BMPR1A: variants seen among roughly 807,000 people sequenced by gnomAD.
The protein encoded by BMPR1A is bone morphogenetic protein receptor type 1A.
In BMPR1A, 7 loss-of-function variants were observed where a neutral mutation model predicts 66.0. That is an observed-to-expected ratio of 0.11 (90% CI 0.06 to 0.20). The LOEUF is 0.20. BMPR1A is among the 10% of genes least tolerant of loss of function. The pLI, the probability that BMPR1A is intolerant of heterozygous loss-of-function variation, is 1.00. For synonymous variants in BMPR1A, 200 were observed against 229.7 expected, an observed-to-expected ratio of 0.87 and a Z score of 1.17; for missense variants, 408 against 669.1, an observed-to-expected ratio of 0.61 and a Z score of 4.31.
At chr10:86,856,106 C>A (rs1349989812) in intron 2 of BMPR1A, 3 of 529,762 alleles carry the variant, frequency 5.7e-6, no homozygotes, top group African/African-American at 3.9e-5. Flanking sequence ...TCAGTAATAT[C>A]ATAGACTTTA....
intron 1 of BMPR1A, among the ~76,000 whole-genome samples, chr10:86,804,761 T>C (rs1841863661): frequency 6.6e-6 from 1 of 151,804 alleles, no homozygotes; most frequent in Non-Finnish European, 1.5e-5. Context: ...ATAAAAAGTT[T>C]TGAATTTATT....
intron 2 of BMPR1A, among the ~76,000 whole-genome samples, chr10:86,871,229 A>C (rs758596745): frequency 6.6e-6 from 1 of 152,156 alleles, no homozygotes; most frequent in Non-Finnish European, 1.5e-5. Flanking sequence ...CACTGCCCCT[A>C]TTCCTTCAGG....
At position 86,913,291 on chromosome 10, in the gene BMPR1A, T is replaced by G. The variant is rs1284426470; in HGVS notation, c.675+907T>G. Reference sequence around the variant, plus strand: ...AGATGCACCACCACACCAGGCTAATTTTTTTTTTTTTTTTTTTTTGAGGGA... The same window carrying G: ...AGATGCACCACCACACCAGGCTAATGTTTTTTTTTTTTTTTTTTTGAGGGA... On this transcript the variant is annotated intron_variant, in intron 8 of 12. Coordinates refer to ENST00000372037, the MANE Select transcript of BMPR1A (RefSeq NM_004329.3). 4.8e-5 allele frequency among the ~76,000 whole-genome samples: 7 copies of G among 144,826 alleles called. No homozygotes were observed. The South Asian group carries it at 1.3e-3, about 27-fold the overall frequency.
chr10:86,767,254 T>C (rs564971457), intron 1 of BMPR1A, among the ~76,000 whole-genome samples: 1 of 152,386 alleles, frequency 6.6e-6, no homozygotes, highest in Admixed American at 6.5e-5. Context: ...CTCAACTTGT[T>C]ATACGCTCCT....
Position 86,809,918 on chromosome 10 carries a change from G to A in BMPR1A, c.-267-28947G>A, listed in dbSNP as rs150654259. On this transcript the variant is annotated intron_variant, in intron 1 of 12. Coordinates refer to ENST00000372037, the MANE Select transcript of BMPR1A (RefSeq NM_004329.3). ...ATTTCATTTAGCACATTTTTTCAAGGCTCATCCATATAGCACGTATCAGTA... is the reference window on the plus strand; with the variant it reads ...ATTTCATTTAGCACATTTTTTCAAGACTCATCCATATAGCACGTATCAGTA... Among the ~76,000 whole-genome samples, 234 of 151,846 alleles carry A rather than the reference G, an allele frequency of 1.5e-3. 3 individuals are homozygous for A. The East Asian group carries it at 0.021, about 14-fold the overall frequency.
rs1484954374 is a variant in BMPR1A, at chr10:86,790,183, AAAAAAATATATATATATATAT to A, written c.-268+33266_-268+33286del. Among the ~76,000 whole-genome samples, 119 of 39,572 alleles carry A rather than the reference AAAAAAATATATATATATATAT, an allele frequency of 3.0e-3. 8 individuals are homozygous for A. Among genetic ancestry groups the A allele is most frequent in the African/African-American group, 0.02 (117 of 5,944 alleles). The allele number at this position is 39,572 out of a possible 152,430, so 26.0% of individuals were successfully genotyped here. On this transcript the variant is annotated intron_variant, in intron 1 of 12. Coordinates refer to ENST00000372037, the MANE Select transcript of BMPR1A (RefSeq NM_004329.3). ...TCTCCAAAAAAAAAAAAAAAAAAAAAAAAAAATATATATATATATATATATATATATATATATATATATATA... is the reference window on the plus strand; with the variant it reads ...TCTCCAAAAAAAAAAAAAAAAAAAAAATATATATATATATATATATATATA...
At chr10:86,852,258 ATAAC>A (rs1400293930) in intron 2 of BMPR1A, among the ~76,000 whole-genome samples, 1 of 152,234 alleles carries the variant, frequency 6.6e-6, no homozygotes, top group Non-Finnish European at 1.5e-5. Context: ...TAGGAAGTGA[ATAAC>A]AAACTGTACA....
At chr10:86,919,097 T>C (rs964923652) in intron 9 of BMPR1A, 75 bp from the exon 10 acceptor site, 3 of 1,555,136 alleles carry the variant, frequency 1.9e-6, no homozygotes, top group Admixed American at 1.7e-5. Context: ...TTTTTCTCAG[T>C]ATCCAGAATG....
intron 7 of BMPR1A, among the ~76,000 whole-genome samples, chr10:86,902,005 T>G (rs1843317705): frequency 6.6e-6 from 1 of 152,164 alleles, no homozygotes; most frequent in East Asian, 1.9e-4. Context: ...ATTACAGGTA[T>G]GCACTGCCAC....
At chr10:86,903,494 T>C (rs1369976993) in intron 7 of BMPR1A, among the ~76,000 whole-genome samples, 1 of 151,684 alleles carries the variant, frequency 6.6e-6, no homozygotes, top group Non-Finnish European at 1.5e-5. Context: ...GTGGGACAAC[T>C]TCAGATGGCC....
In BMPR1A at chr10:86,927,171, A is replaced by C. The variant is rs894574479; in HGVS notation, c.*3452A>C. The C allele has an allele frequency of 5.3e-6, 1 of 187,072 alleles. No individual in the cohort carries two copies. The highest frequency in any genetic ancestry group is 2.3e-5 in the African/African-American group (1 of 42,748). The allele number at this position is 187,072 out of a possible 1,614,324, so 11.6% of individuals were successfully genotyped here. The stretch of plus-strand genomic sequence containing the variant: ...TTTCTTCAGATGCTTTGTTCTGTTT[A>C]GAACAAAAATGCACTATAGTTTTTA... On this transcript the variant is annotated 3_prime_UTR_variant, in exon 13 of 13. Coordinates refer to ENST00000372037, the MANE Select transcript of BMPR1A (RefSeq NM_004329.3).
At chr10:86,800,249 T>G (rs1234152680) in intron 1 of BMPR1A, among the ~76,000 whole-genome samples, 5 of 152,160 alleles carry the variant, frequency 3.3e-5, no homozygotes, top group Non-Finnish European at 7.3e-5. Context: ...TGGAGCTAAG[T>G]AGGCTGTTCT....
chr10:86,794,040 T>A (rs1283678275), intron 1 of BMPR1A, among the ~76,000 whole-genome samples: 1 of 152,178 alleles, frequency 6.6e-6, no homozygotes, highest in Non-Finnish European at 1.5e-5. Context: ...GTGAGTAGAT[T>A]GGTCCCAACA....
chr10:86,863,127 A>G (rs1340721901), intron 2 of BMPR1A, among the ~76,000 whole-genome samples: 2 of 151,896 alleles, frequency 1.3e-5, no homozygotes, highest in Non-Finnish European at 2.9e-5. Context: ...ACAGGCACCC[A>G]CCACCAGGCC....
chr10:86,815,345 G>T (rs1035915826), intron 1 of BMPR1A, among the ~76,000 whole-genome samples: 3 of 152,050 alleles, frequency 2.0e-5, no homozygotes, highest in South Asian at 2.1e-4. Flanking sequence ...GTTCAATTCT[G>T]TTTTAATTTT....
intron 1 of BMPR1A, among the ~76,000 whole-genome samples, chr10:86,833,019 A>G (rs1049536537): frequency 3.3e-5 from 5 of 152,068 alleles, no homozygotes; most frequent in Non-Finnish European, 5.9e-5. Context: ...CTGAGGCGGG[A>G]GGATTGCTTG....
At chr10:86,841,248 G>T (rs1047507425) in intron 2 of BMPR1A, among the ~76,000 whole-genome samples, 2 of 152,170 alleles carry the variant, frequency 1.3e-5, no homozygotes, top group Non-Finnish European at 2.9e-5. Flanking sequence ...AGGGTTGGAT[G>T]AGCATGAAAA....
intron 1 of BMPR1A, among the ~76,000 whole-genome samples, chr10:86,804,792 G>GTTTTTTTTTTTTTTTTTTTTTTGT (rs1841865702): frequency 3.5e-5 from 2 of 57,268 alleles, no homozygotes; most frequent in Non-Finnish European, 6.3e-5. Context: ...GTTTGTAGGT[G>GTTTTTTTTTTTTTTTTTTTTTTGT]TTTTTTTTTT....
intron 1 of BMPR1A, among the ~76,000 whole-genome samples, chr10:86,768,959 A>G (rs1403020367): frequency 2.0e-5 from 3 of 152,228 alleles, no homozygotes; most frequent in African/African-American, 7.2e-5. Flanking sequence ...AATGAATGTT[A>G]GTGAAGATGA....
Sources: gnomAD v4.1 joint callset for allele counts (sites outside exome capture counted in the v4.1 genomes callset) on GRCh38, gnomAD v4.1.1 for gene constraint, MANE v1.5 for transcripts, NCBI Gene and HGNC (gene_info 2026-07-23, HGNC 2026-07-21) for gene names.